The following ANO2 variants were observed in gnomAD, a reference collection of about 807,000 sequenced individuals.
ANO2 encodes anoctamin-2.
Under a neutral mutation model 124.2 loss-of-function variants are expected in ANO2, and 101 were observed. That is an observed-to-expected ratio of 0.81 (90% CI 0.69 to 0.96). The LOEUF (loss-of-function observed/expected upper bound fraction) is 0.96. Ranked by LOEUF, ANO2 falls within the 40% of genes least tolerant of loss-of-function variation. The pLI is 0.00. For synonymous variants in ANO2, 486 were observed against 482.5 expected (o/e 1.01, Z -0.09); for missense variants, 1,293 against 1,274.5 (o/e 1.01, Z -0.22).
At chr12:5,607,897 T>C (rs1325232767) in intron 19 of ANO2, among the ~76,000 whole-genome samples, 2 of 152,174 alleles carry the variant, frequency 1.3e-5, no homozygotes, top group Admixed American at 6.5e-5. Flanking sequence ...TAAAATTATT[T>C]CATTATATAT....
intron 23 of ANO2, among the ~76,000 whole-genome samples, chr12:5,566,070 CG>C (rs112635602): frequency 6.6e-6 from 1 of 151,870 alleles, no homozygotes; most frequent in Non-Finnish European, 1.5e-5. Context: ...GCTCTGCAGC[CG>C]GGGGGGTTGG....
chr12:5,743,455 C>T (rs1951168767), intron 12 of ANO2, among the ~76,000 whole-genome samples: 1 of 146,364 alleles, frequency 6.8e-6, no homozygotes, highest in Non-Finnish European at 1.5e-5. Flanking sequence ...CGCGTTATTC[C>T]AGTTTGTGAG....
At chr12:5,662,115 C>T (rs147013675) in intron 14 of ANO2, among the ~76,000 whole-genome samples, 3 of 152,248 alleles carry the variant, frequency 2.0e-5, no homozygotes, top group African/African-American at 7.2e-5. Flanking sequence ...ACTGCACTCT[C>T]GCAGTTGTTC....
At chr12:5,765,299 G>A (rs944929849) in intron 10 of ANO2, among the ~76,000 whole-genome samples, 20 of 152,222 alleles carry the variant, frequency 1.3e-4, no homozygotes, top group East Asian at 9.6e-4. Flanking sequence ...CCAGGTACCC[G>A]GGAACAGTAA....
At chr12:5,698,701 A>C (rs900439271) in intron 14 of ANO2, among the ~76,000 whole-genome samples, 3 of 152,224 alleles carry the variant, frequency 2.0e-5, no homozygotes, top group African/African-American at 7.2e-5. Context: ...ACCTTGAAAA[A>C]AGACTAGACG....
At chr12:5,778,674 T>G (rs1048157791) in intron 10 of ANO2, among the ~76,000 whole-genome samples, 5 of 152,188 alleles carry the variant, frequency 3.3e-5, no homozygotes, top group Non-Finnish European at 7.3e-5. Flanking sequence ...CAATGAAATA[T>G]GGTCATCTCA....
chr12:5,802,934 T>G (rs901569758), intron 9 of ANO2, among the ~76,000 whole-genome samples: 6 of 152,224 alleles, frequency 3.9e-5, no homozygotes, highest in Non-Finnish European at 7.3e-5. Flanking sequence ...AAGCAGCAAG[T>G]TTGGCTCCCC....
chr12:5,789,838 C>T (rs1027515922), intron 10 of ANO2, among the ~76,000 whole-genome samples: 6 of 152,198 alleles, frequency 3.9e-5, no homozygotes, highest in East Asian at 1.9e-4. Flanking sequence ...GTTGTTGTAA[C>T]GTGTGTTCTG....
intron 14 of ANO2, among the ~76,000 whole-genome samples, chr12:5,654,378 C>A (rs2136963759): frequency 6.6e-6 from 1 of 152,322 alleles, no homozygotes; most frequent in South Asian, 2.1e-4. Context: ...GCCTTTAAAA[C>A]ATGAATTATG....
At chr12:5,687,547 G>A (rs1482885750) in intron 14 of ANO2, among the ~76,000 whole-genome samples, 1 of 152,230 alleles carries the variant, frequency 6.6e-6, no homozygotes, top group Non-Finnish European at 1.5e-5. Flanking sequence ...ATGGAGGCTT[G>A]GGGACACCCA....
intron 14 of ANO2, among the ~76,000 whole-genome samples, chr12:5,721,787 C>G (rs149730810): frequency 6.6e-6 from 1 of 152,172 alleles, no homozygotes; most frequent in Non-Finnish European, 1.5e-5. Flanking sequence ...GGATTACAGG[C>G]GTGAGCCACT....
intron 9 of ANO2, 139 bp downstream of exon 9, chr12:5,805,913 G>A (rs1953175639): frequency 3.9e-6 from 3 of 774,488 alleles, no homozygotes; most frequent in Non-Finnish European, 6.0e-6. Flanking sequence ...ACCTGGGTGG[G>A]GGAAAGGGGG....
At chr12:5,939,213 CA>C (rs34787622) in intron 1 of ANO2, among the ~76,000 whole-genome samples, 25 of 86,192 alleles carry the variant, frequency 2.9e-4, no homozygotes, top group African/African-American at 4.8e-4. Flanking sequence ...AAGACTCCAA[CA>C]AAAAAAAAAA....
At position 5,923,094 on chromosome 12, in the gene ANO2, G is replaced by GCGCA. The variant is rs141508150; in HGVS notation, c.23-291_23-290insTGCG. ...CACATGCACACATACACACACACAC[G>GCGCA]CACACACATACACACACATGCACGC... On this transcript the variant is annotated intron_variant, in intron 1 of 24. Coordinates refer to ENST00000682330, the MANE Select transcript of ANO2 (RefSeq NM_001364791.2). Among the ~76,000 whole-genome samples, 6 of 27,060 alleles carry GCGCA rather than the reference G, an allele frequency of 2.2e-4. 1 individual carries two copies. Among genetic ancestry groups the GCGCA allele is most frequent in the Admixed American group, 5.9e-4 (1 of 1,688 alleles). The allele number at this position is 27,060 out of a possible 152,430, so 17.8% of individuals were successfully genotyped here.
At chr12:5,725,234 C>T (rs541396178) in intron 14 of ANO2, among the ~76,000 whole-genome samples, 2 of 152,110 alleles carry the variant, frequency 1.3e-5, no homozygotes, top group Non-Finnish European at 2.9e-5. Flanking sequence ...CCCGCTCAAA[C>T]ACTCTCAACA....
chr12:5,849,635 T>A (rs1228161020), intron 4 of ANO2, among the ~76,000 whole-genome samples: 1 of 152,192 alleles, frequency 6.6e-6, no homozygotes, highest in Non-Finnish European at 1.5e-5. Context: ...TCCCAGTTAA[T>A]ATCTGTGCTC....
intron 3 of ANO2, among the ~76,000 whole-genome samples, chr12:5,902,126 A>T (rs1940258695): frequency 6.6e-6 from 1 of 152,226 alleles, no homozygotes. Flanking sequence ...CCACTACAGC[A>T]TAGTGAGAAA....
chr12:5,863,322 CTCTAGGTG>C (rs1955330154), intron 3 of ANO2, among the ~76,000 whole-genome samples: 3 of 152,134 alleles, frequency 2.0e-5, no homozygotes, highest in Non-Finnish European at 4.4e-5. Flanking sequence ...ACTCAGGCTT[CTCTAGGTG>C]TTATTCTACT....
chr12:5,764,336 T>C lies in ANO2; in HGVS notation c.1056-13366A>G, dbSNP rs560599250. 3.3e-5 allele frequency among the ~76,000 whole-genome samples: 5 copies of C among 152,352 alleles called. No homozygotes were observed. The South Asian group carries it at 1.0e-3, about 32-fold the overall frequency. ...ATAGTAACTGAGGTGTATTGAGGAC[T>C]AATTGCCAAGCTGTGTTCTAAGGAA... On this transcript the variant is annotated intron_variant, in intron 10 of 24. Coordinates refer to ENST00000682330, the MANE Select transcript of ANO2 (RefSeq NM_001364791.2).
Sources: gnomAD v4.1 joint callset for allele counts (sites outside exome capture counted in the v4.1 genomes callset) on GRCh38, gnomAD v4.1.1 for gene constraint, MANE v1.5 for transcripts, NCBI Gene and HGNC (gene_info 2026-07-23, HGNC 2026-07-21) for gene names.